Variants in WDR62 observed in about 807,000 individuals in gnomAD.
WDR62 encodes WD repeat domain 62.
Under a neutral mutation model 160.6 loss-of-function variants are expected in WDR62, and 112 were observed. The ratio of observed to expected loss-of-function variants is 0.70; its 90% confidence interval spans 0.60 to 0.82. WDR62 has a LOEUF of 0.82. Ranked by LOEUF, WDR62 falls within the 40% of genes least tolerant of loss-of-function variation. The probability of loss-of-function intolerance (pLI) is 0.00; values close to 1 mark genes in which losing one functional copy is unlikely to be tolerated. For synonymous variants in WDR62, 792 were observed against 815.1 expected (o/e 0.97, Z 0.48); for missense variants, 1,819 against 1,983.8 (o/e 0.92, Z 1.58).
intron 4 of WDR62, 79 bp from the exon 5 acceptor site, chr19:36,066,178 A>G (rs184067935): frequency 3.2e-5 from 52 of 1,604,802 alleles, no homozygotes; most frequent in African/African-American, 8.0e-5. Flanking sequence ...TCCTGTGGCA[A>G]TGCCATCTTC....
chr19:36,080,656 C>G (rs1232281366), intron 9 of WDR62, among the ~76,000 whole-genome samples: 1 of 151,668 alleles, frequency 6.6e-6, no homozygotes, highest in East Asian at 1.9e-4. Context: ...CGGGGTTTCT[C>G]CATGTTGAGG....
intron 25 of WDR62, 51 bp downstream of exon 25, chr19:36,101,825 G>A: frequency 6.6e-7 from 1 of 1,522,092 alleles, no homozygotes; most frequent in Admixed American, 1.9e-5. Context: ...CCTGGCTTAG[G>A]GCCAGTCACA....
intron 19 of WDR62, among the ~76,000 whole-genome samples, chr19:36,093,150 T>C (rs1210053832): frequency 1.3e-5 from 2 of 152,060 alleles, no homozygotes; most frequent in Non-Finnish European, 2.9e-5. Context: ...AGAAGGGTAT[T>C]AAAGTGGAAA....
Position 36,102,929 on chromosome 19 carries a change from C to A in WDR62, c.3336-19C>A, listed in dbSNP as rs772716777. 1 of 1,614,156 alleles carries A rather than the reference C, an allele frequency of 6.2e-7. No homozygotes were observed. Among genetic ancestry groups the A allele is most frequent in the South Asian group, 1.1e-5 (1 of 91,080 alleles). The stretch of plus-strand genomic sequence containing the variant: ...GGCAGGCTGAATGAGAATCATCCCC[C>A]CTGCTCTCCTCCCCACAGGTTCACC... On this transcript the variant is annotated intron_variant, in intron 27 of 31. Transcript: ENST00000401500.
At chr19:36,079,626 A>G (rs1971775932) in intron 9 of WDR62, among the ~76,000 whole-genome samples, 1 of 152,184 alleles carries the variant, frequency 6.6e-6, no homozygotes, top group African/African-American at 2.4e-5. Context: ...GTTGGGGTGG[A>G]TGAAACCCTC....
rs201982075 is a variant in WDR62 at position 36,074,588 on chromosome 19, T to C, written c.1233+1057T>C. Reference sequence around the variant, plus strand: ...GGGGCTGAAAATTTCTTACTGGGAATGTTTGTCCTAGAGAAATTGGGTTTT... The same window carrying C: ...GGGGCTGAAAATTTCTTACTGGGAACGTTTGTCCTAGAGAAATTGGGTTTT... On this transcript the variant is annotated intron_variant, in intron 9 of 31. Transcript: ENST00000401500. Among the ~76,000 whole-genome samples, 3 of 152,270 alleles carry C rather than the reference T, an allele frequency of 2.0e-5. No homozygotes were observed. The East Asian group carries it at 5.8e-4, about 29-fold the overall frequency.
At position 36,102,977 on chromosome 19, in the gene WDR62, C is replaced by A; in HGVS notation, c.3365C>A (p.Thr1122Asn). The A allele has an allele frequency of 8.1e-6, 13 of 1,614,158 alleles. No individual in the cohort carries two copies. The highest frequency in any genetic ancestry group is 1.1e-5 in the Non-Finnish European group (13 of 1,180,026). The change falls in exon 28 of 32, where the codon ACC (threonine) becomes AAC (asparagine). Residue 1122 changes from threonine to asparagine, a missense_variant. Coordinates refer to ENST00000401500, the MANE Select transcript of WDR62 (RefSeq NM_001083961.2). ...ACCCATACCTTCCCTCCCCGGGCAACCCAGTGCCTTGTGAAGTCTCCAGAG... is the reference window on the plus strand; with the variant it reads ...ACCCATACCTTCCCTCCCCGGGCAAACCAGTGCCTTGTGAAGTCTCCAGAG... ...RFTHTFPPRA[T>N]QCLVKSPEVK...
chr19:36,089,021 G>C lies in WDR62; in HGVS notation c.1769-17G>C. ...GTGGCCCAGCCCTGCCTAACACACAGCGTCCTCCTCCCCTAGGCAACAGAG... is the reference window on the plus strand; with the variant it reads ...GTGGCCCAGCCCTGCCTAACACACACCGTCCTCCTCCCCTAGGCAACAGAG... On this transcript the variant is annotated splice_polypyrimidine_tract_variant and intron_variant, in intron 13 of 31. Transcript: ENST00000401500. The C allele has an allele frequency of 6.2e-7, 1 of 1,613,554 alleles. No homozygotes were observed. Among genetic ancestry groups the C allele is most frequent in the African/African-American group, 1.3e-5 (1 of 75,018 alleles).
Position 36,099,556 on chromosome 19 carries a change from G to A in WDR62, c.2678G>A (p.Ser893Asn). The A allele has an allele frequency of 6.2e-7, 1 of 1,614,220 alleles. No homozygotes were observed. Among genetic ancestry groups the A allele is most frequent in the South Asian group, 1.1e-5 (1 of 91,092 alleles). ...TACTTTACCCCCATGAAGCCCGAGA[G>A]TCTGGAGAACTCCATTCTGGATTCA... is the stretch of plus-strand genomic sequence containing the variant. The part of the protein sequence containing the change: ...DCYFTPMKPE[S>N]LENSILDSLE... Residue 893 changes from serine to asparagine, a missense_variant, in exon 22 of 32, where the codon AGT becomes AAT. Coordinates refer to ENST00000401500, the MANE Select transcript of WDR62 (RefSeq NM_001083961.2).
intron 8 of WDR62, among the ~76,000 whole-genome samples, chr19:36,073,123 T>C (rs112793550): frequency 2.0e-5 from 3 of 152,108 alleles, no homozygotes; most frequent in African/African-American, 7.2e-5. Flanking sequence ...ACTCAATTGC[T>C]CTCGGGGCCA....
intron 15 of WDR62, among the ~76,000 whole-genome samples, chr19:36,089,981 A>T (rs1972489440): frequency 6.6e-6 from 1 of 152,210 alleles, no homozygotes; most frequent in South Asian, 2.1e-4. Flanking sequence ...GTCCAGTAGA[A>T]TGGACACGGC....
intron 22 of WDR62, among the ~76,000 whole-genome samples, chr19:36,100,241 C>T (rs1973244427): frequency 6.6e-6 from 1 of 152,208 alleles, no homozygotes; most frequent in Admixed American, 6.5e-5. Flanking sequence ...TCTTTCTCTA[C>T]TATTTTCCAA....
At chr19:36,101,944 C>G in intron 25 of WDR62, 70 bp from the exon 26 acceptor site, 1 of 1,609,948 alleles carries the variant, frequency 6.2e-7, no homozygotes, top group African/African-American at 1.3e-5. Flanking sequence ...CCCGCTTTCT[C>G]CATTTCAGGT....
rs775815775 is a variant in WDR62 at position 36,104,797 on chromosome 19, G to A, written c.4341G>A (p.Gly1447=). ...VLVSSGQVDT[G]QQQARTELVS... ...TCTCCAGTGGCCAGGTGGACACCGG[G>A]CAGCAGCAGGCACGGACTGAGCTGG... Residue 1447 remains glycine (G), a synonymous_variant, in exon 32 of 32, where the codon GGG becomes GGA. Coordinates refer to ENST00000401500, the MANE Select transcript of WDR62 (RefSeq NM_001083961.2). The A allele has an allele frequency of 1.8e-5, 29 of 1,613,566 alleles. No homozygotes were observed. Among genetic ancestry groups the A allele is most frequent in the Non-Finnish European group, 2.3e-5 (27 of 1,180,034 alleles).
Position 36,054,977 on chromosome 19 carries a change from G to A in WDR62, c.6G>A (p.Ala2=), listed in dbSNP as rs1785295243. 6.2e-7 allele frequency: 1 copy of A among 1,600,266 alleles called. No homozygotes were observed. The highest frequency in any genetic ancestry group is 1.1e-5 in the South Asian group (1 of 89,696). M[A]AVGSGGYARN... The stretch of plus-strand genomic sequence containing the variant: ...CGCCCGCCTCCGGCGTGACGATGGC[G>A]GCCGTAGGGTCCGGAGGCTATGCGC... The change falls in exon 1 of 32, where the codon GCG becomes GCA. Residue 2 remains alanine, a synonymous_variant. Transcript: ENST00000401500.
chr19:36,094,699 G>A (rs1972850140), intron 20 of WDR62, among the ~76,000 whole-genome samples: 1 of 151,964 alleles, frequency 6.6e-6, no homozygotes, highest in Admixed American at 6.6e-5. Flanking sequence ...AGACCAGCCT[G>A]GGCAACATAG....
At chr19:36,059,918 G>A (rs1970559653) in intron 2 of WDR62, 50 bp from the exon 3 acceptor site, 1 of 1,598,742 alleles carries the variant, frequency 6.3e-7, no homozygotes, top group African/African-American at 1.3e-5. Flanking sequence ...AATCATCCCA[G>A]GACCCCAACA....
At chr19:36,073,746 T>C in intron 9 of WDR62, 1 of 641,332 alleles carries the variant, frequency 1.6e-6, no homozygotes, top group Non-Finnish European at 2.9e-6. Flanking sequence ...CATCAGTGAA[T>C]AACACGCCAA....
At chr19:36,076,512 C>T (rs1282146649) in intron 9 of WDR62, among the ~76,000 whole-genome samples, 1 of 148,824 alleles carries the variant, frequency 6.7e-6, no homozygotes, top group African/African-American at 2.5e-5. Context: ...AAGCCAAGAT[C>T]AAGCCACTGC....
Sources: gnomAD v4.1 joint callset for allele counts (sites outside exome capture counted in the v4.1 genomes callset) on GRCh38, gnomAD v4.1.1 for gene constraint, MANE v1.5 for transcripts, NCBI Gene and HGNC (gene_info 2026-07-23, HGNC 2026-07-21) for gene names.